The following PCDH7 variants were observed in gnomAD, a reference collection of about 807,000 sequenced individuals.
The protein encoded by PCDH7 is protocadherin 7.
A neutral mutation model predicts 58.9 loss-of-function variants in PCDH7; 17 were observed. The ratio of observed to expected loss-of-function variants is 0.29; its 90% confidence interval spans 0.20 to 0.43. PCDH7 has a LOEUF of 0.43. Ranked by LOEUF, PCDH7 falls within the 20% of genes least tolerant of loss-of-function variation. The probability of loss-of-function intolerance (pLI) is 1.00; values close to 1 mark genes in which losing one functional copy is unlikely to be tolerated. For missense variants in PCDH7, 1,274 were observed against 1,441.0 expected, an observed-to-expected ratio of 0.88 and a Z score of 1.88; for synonymous variants, 664 against 616.4, an observed-to-expected ratio of 1.08 and a Z score of -1.14.
intron 3 of PCDH7, among the ~76,000 whole-genome samples, chr4:30,981,218 C>T (rs1350643594): frequency 2.0e-5 from 3 of 152,312 alleles, no homozygotes; most frequent in South Asian, 4.1e-4. Flanking sequence ...ACACTCCCCC[C>T]ATTCCTCTGT....
chr4:30,740,653 CA>C (rs565567463), intron 1 of PCDH7, among the ~76,000 whole-genome samples: 4 of 148,550 alleles, frequency 2.7e-5, no homozygotes, highest in Non-Finnish European at 4.5e-5. Flanking sequence ...TTACCTTTTA[CA>C]AAAAAAAGAT....
intron 3 of PCDH7, among the ~76,000 whole-genome samples, chr4:30,964,129 AG>A (rs1179247597): frequency 6.6e-6 from 1 of 152,162 alleles, no homozygotes; most frequent in Non-Finnish European, 1.5e-5. Flanking sequence ...TGGGTGCTTC[AG>A]AGTTCATTTT....
chr4:30,723,899 A>G lies in PCDH7; in HGVS notation c.2477A>G (p.Gln826Arg), dbSNP rs774701779. 1.2e-6 allele frequency: 2 copies of G among 1,613,842 alleles called. No individual in the cohort carries two copies. The highest frequency in any genetic ancestry group is 8.5e-7 in the Non-Finnish European group (1 of 1,180,026). The change falls in exon 1 of 2, where the codon CAG (glutamine) becomes CGG (arginine). Residue 826 changes from glutamine to arginine, a missense_variant. By Grantham distance (43) the Gln-to-Arg change is conservative. This residue lies in a region of PCDH7 where 731 missense variants were observed against 881.9 expected (regional missense o/e 0.83). Transcript: ENST00000361762. This position sits in a 1 kb window ranked among gnomAD's most constrained non-coding sequence, Gnocchi z 4.6. Reference sequence around the variant, plus strand: ...GTGGTGCAAGTGAATGACAGTGGGCAGCCTTCCCAGTCCACCACGACTCTG... The same window carrying G: ...GTGGTGCAAGTGAATGACAGTGGGCGGCCTTCCCAGTCCACCACGACTCTG...
chr4:31,001,170 A>G (rs1752335382), intron 3 of PCDH7, among the ~76,000 whole-genome samples: 1 of 152,026 alleles, frequency 6.6e-6, no homozygotes, highest in Non-Finnish European at 1.5e-5. Context: ...AAAAGTTCAT[A>G]AAATAGTCCA....
At chr4:30,833,553 G>A (rs931109307) in intron 1 of PCDH7, among the ~76,000 whole-genome samples, 1 of 152,058 alleles carries the variant, frequency 6.6e-6, no homozygotes, top group Non-Finnish European at 1.5e-5. Flanking sequence ...TCCAGCTGTC[G>A]TCTTAGTCCC....
At chr4:30,879,733 C>T (rs1480430526) in intron 1 of PCDH7, among the ~76,000 whole-genome samples, 1 of 152,096 alleles carries the variant, frequency 6.6e-6, no homozygotes, top group Admixed American at 6.6e-5. Context: ...CTTGCAGATA[C>T]TGACATCATA....
chr4:30,747,009 A>G (rs1479016614), intron 1 of PCDH7, among the ~76,000 whole-genome samples: 1 of 152,184 alleles, frequency 6.6e-6, no homozygotes, highest in Non-Finnish European at 1.5e-5. Flanking sequence ...CAGCAGTATA[A>G]TGAATCATTT....
intron 1 of PCDH7, among the ~76,000 whole-genome samples, chr4:30,828,723 G>A (rs895809187): frequency 7.2e-5 from 11 of 151,902 alleles, no homozygotes; most frequent in African/African-American, 2.7e-4. Flanking sequence ...TTCTCTACTC[G>A]CAATATACAC....
At chr4:30,741,290 A>T (rs1376461798) in intron 1 of PCDH7, among the ~76,000 whole-genome samples, 4 of 151,766 alleles carry the variant, frequency 2.6e-5, no homozygotes, top group Non-Finnish European at 4.4e-5. Flanking sequence ...ACTCGGGCTC[A>T]GGTGATTCTC....
intron 1 of PCDH7, among the ~76,000 whole-genome samples, chr4:30,879,257 C>T (rs981472180): frequency 3.9e-4 from 59 of 151,418 alleles, no homozygotes; most frequent in African/African-American, 1.4e-3. Flanking sequence ...TTCTTCTCTA[C>T]TTTCTTGGTT....
intron 1 of PCDH7, among the ~76,000 whole-genome samples, chr4:30,728,848 T>A (rs1715033559): frequency 6.6e-6 from 1 of 151,292 alleles, no homozygotes; most frequent in Non-Finnish European, 1.5e-5. Flanking sequence ...ATGGTTTATA[T>A]CACAAACTCT....
At chr4:30,928,660 G>A (rs909541571) in intron 2 of PCDH7, among the ~76,000 whole-genome samples, 1 of 152,042 alleles carries the variant, frequency 6.6e-6, no homozygotes, top group Non-Finnish European at 1.5e-5. Context: ...AAAATTATAC[G>A]GAAGAAACAA....
chr4:30,863,413 G>T (rs185686112), intron 1 of PCDH7, among the ~76,000 whole-genome samples: 2 of 152,094 alleles, frequency 1.3e-5, no homozygotes, highest in Admixed American at 6.6e-5. Flanking sequence ...GGAGGGTATG[G>T]ATTCTGCTAA....
At chr4:31,016,396 C>CTT (rs35635325) in intron 3 of PCDH7, among the ~76,000 whole-genome samples, 14,332 of 127,908 alleles carry the variant, frequency 0.11, 947 homozygotes, top group East Asian at 0.25. Context: ...AAAGACAGAT[C>CTT]TTTTTTTTTT....
rs1473078834 is a variant in PCDH7 at position 30,986,861 on chromosome 4, G to A, written c.*7+36646G>A. Among the ~76,000 whole-genome samples the A allele has an allele frequency of 2.0e-5, 3 of 151,712 alleles. No individual in the cohort carries two copies. In the East Asian group the frequency reaches 5.8e-4, roughly 29 times the overall value. ...CTGAGTGTGGTGGTGGGCGCCTGTA[G>A]TCCCAGCTACTCAGGAGGCTGAGGC... On this transcript the variant is annotated intron_variant, in intron 3 of 3. Coordinates refer to the PCDH7 transcript ENST00000509759.
chr4:31,129,438 A>T (rs1718697525), intron 3 of PCDH7, among the ~76,000 whole-genome samples: 1 of 152,104 alleles, frequency 6.6e-6, no homozygotes, highest in Non-Finnish European at 1.5e-5. Flanking sequence ...GCTTTCCAGA[A>T]ATGATACCTA....
intron 1 of PCDH7, among the ~76,000 whole-genome samples, chr4:30,812,185 C>T (rs1293464049): frequency 6.6e-6 from 1 of 152,060 alleles, no homozygotes; most frequent in Non-Finnish European, 1.5e-5. Context: ...AAAAGTTTAC[C>T]ATTGTATAAC....
At chr4:30,943,310 T>G (rs1746278294) in intron 2 of PCDH7, among the ~76,000 whole-genome samples, 1 of 152,086 alleles carries the variant, frequency 6.6e-6, no homozygotes, top group African/African-American at 2.4e-5. Flanking sequence ...AATATATTAC[T>G]GGTGTGCTAA....
chr4:30,963,478 TCACC>T (rs1748675627), intron 3 of PCDH7, among the ~76,000 whole-genome samples: 1 of 152,330 alleles, frequency 6.6e-6, no homozygotes, highest in East Asian at 1.9e-4. Context: ...GTAATTAATT[TCACC>T]TAACAATGAG....
Sources: allele counts gnomAD v4.1 joint callset (sites outside exome capture counted in the v4.1 genomes callset), GRCh38; gene constraint gnomAD v4.1.1; regional missense constraint gnomAD v4.1.1; non-coding constraint Gnocchi (gnomAD v3.1); transcripts MANE v1.5; gene names NCBI Gene and HGNC (gene_info 2026-07-23, HGNC 2026-07-21).